The following DLG2 variants were observed in gnomAD, a reference collection of about 807,000 sequenced individuals.
DLG2 encodes the protein discs large MAGUK scaffold protein 2.
In DLG2, 45 loss-of-function variants were observed where a neutral mutation model predicts 132.5. The observed-to-expected ratio is 0.34, with a 90% CI of 0.27 to 0.44. DLG2 has a LOEUF of 0.44. Ranked by LOEUF, DLG2 falls within the 20% of genes least tolerant of loss-of-function variation. The pLI, the probability that DLG2 is intolerant of heterozygous loss-of-function variation, is 1.00. For missense variants in DLG2, 1,045 were observed against 1,196.9 expected (o/e 0.87, Z 1.87); for synonymous variants, 424 against 419.6 (o/e 1.01, Z -0.13).
At position 85,553,620 on chromosome 11, in the gene DLG2, A is replaced by G. The variant is rs1242281525; in HGVS notation, c.40+45037T>C. On this transcript the variant is annotated intron_variant, in intron 3 of 27. Coordinates refer to ENST00000376104, the MANE Select transcript of DLG2 (RefSeq NM_001142699.3). The stretch of plus-strand genomic sequence containing the variant: ...TTAAATGATGTGTGGAGGAAACTAC[A>G]TACAAAGGAGTGGAATATAAAATGA... 3.3e-5 allele frequency among the ~76,000 whole-genome samples: 5 copies of G among 151,802 alleles called. No individual in the cohort carries two copies. The South Asian group carries it at 1.0e-3, about 32-fold the overall frequency.
chr11:84,428,360 T>C (rs1427397216), intron 7 of DLG2, among the ~76,000 whole-genome samples: 1 of 152,212 alleles, frequency 6.6e-6, no homozygotes, highest in Admixed American at 6.5e-5. Flanking sequence ...CATCATCATA[T>C]ATATCTACAA....
chr11:83,599,425 G>C (rs1260470127), intron 19 of DLG2, among the ~76,000 whole-genome samples: 3 of 151,796 alleles, frequency 2.0e-5, no homozygotes, highest in Non-Finnish European at 4.4e-5. Context: ...ACGTCTGATT[G>C]GACAACTATC....
At chr11:85,615,871 G>A (rs79325161) in intron 2 of DLG2, among the ~76,000 whole-genome samples, 7,012 of 151,918 alleles carry the variant, frequency 0.046, 526 homozygotes, top group African/African-American at 0.16. Flanking sequence ...ACCACTGATG[G>A]AAGGGGACTC....
At chr11:83,549,049 T>C (rs538403858) in intron 19 of DLG2, among the ~76,000 whole-genome samples, 1 of 152,236 alleles carries the variant, frequency 6.6e-6, no homozygotes, top group South Asian at 2.1e-4. Context: ...TTTGCTTTCC[T>C]GACAACATTA....
chr11:83,834,635 G>A (rs1017513051), intron 16 of DLG2, among the ~76,000 whole-genome samples: 1 of 152,110 alleles, frequency 6.6e-6, no homozygotes, highest in African/African-American at 2.4e-5. Context: ...TGAAGCAGCT[G>A]GAGACAAAGA....
chr11:84,580,257 G>A (rs1049149605), intron 6 of DLG2, among the ~76,000 whole-genome samples: 1 of 152,174 alleles, frequency 6.6e-6, no homozygotes, highest in Non-Finnish European at 1.5e-5. Context: ...TAATGATTAA[G>A]ATATGGAGAA....
intron 16 of DLG2, among the ~76,000 whole-genome samples, chr11:83,843,908 T>A (rs568291893): frequency 1.5e-3 from 233 of 152,148 alleles, no homozygotes; most frequent in Non-Finnish European, 2.9e-3. Context: ...AAATTCTGAA[T>A]AAAATAGTTA....
chr11:84,849,663 G>C (rs1269874883), intron 6 of DLG2, among the ~76,000 whole-genome samples: 1 of 151,998 alleles, frequency 6.6e-6, no homozygotes, highest in Non-Finnish European at 1.5e-5. Context: ...CACTTCCTCA[G>C]ACAGGTCTTT....
intron 3 of DLG2, among the ~76,000 whole-genome samples, chr11:85,464,882 G>C (rs2092729502): frequency 6.6e-6 from 1 of 151,296 alleles, no homozygotes; most frequent in Non-Finnish European, 1.5e-5. Context: ...AGACCAGCCT[G>C]GCCAACATGG....
At chr11:83,775,936 C>A (rs1196911883) in intron 18 of DLG2, among the ~76,000 whole-genome samples, 1 of 151,788 alleles carries the variant, frequency 6.6e-6, no homozygotes, top group East Asian at 1.9e-4. Context: ...ACTAAAAATA[C>A]AAAAAATTAG....
chr11:85,333,800 A>G (rs2081943185), intron 3 of DLG2, among the ~76,000 whole-genome samples: 2 of 152,014 alleles, frequency 1.3e-5, no homozygotes, highest in Admixed American at 1.3e-4. Flanking sequence ...GGTGGATTTG[A>G]ATTTTGATGT....
chr11:83,911,453 A>G (rs918936346), intron 15 of DLG2, among the ~76,000 whole-genome samples: 2 of 152,080 alleles, frequency 1.3e-5, no homozygotes, highest in Admixed American at 6.6e-5. Flanking sequence ...GAGTGTTTCT[A>G]TGAACTAAGG....
chr11:85,117,749 T>C (rs1305558560), intron 5 of DLG2, among the ~76,000 whole-genome samples: 2 of 151,608 alleles, frequency 1.3e-5, no homozygotes, highest in African/African-American at 4.8e-5. Flanking sequence ...AAAAAGAGAA[T>C]CTTTCATCTG....
chr11:84,033,270 C>T (rs183113388), intron 11 of DLG2, among the ~76,000 whole-genome samples: 208 of 152,210 alleles, frequency 1.4e-3, no homozygotes, highest in Non-Finnish European at 2.6e-3. Context: ...TCATGGGAGG[C>T]GGTCAAAGTC....
At chr11:84,439,232 G>A (rs2099010236) in intron 7 of DLG2, among the ~76,000 whole-genome samples, 1 of 152,162 alleles carries the variant, frequency 6.6e-6, no homozygotes, top group African/African-American at 2.4e-5. Flanking sequence ...CTCTGGGTTC[G>A]ATGTGCCTCA....
At chr11:85,605,614 G>A (rs2080473697) in intron 2 of DLG2, among the ~76,000 whole-genome samples, 1 of 152,142 alleles carries the variant, frequency 6.6e-6, no homozygotes, top group Non-Finnish European at 1.5e-5. Context: ...CCCTCACAGA[G>A]ATTTTAGTCT....
At chr11:83,962,826 A>C in intron 14 of DLG2, 59 bp downstream of exon 14, 1 of 1,592,032 alleles carries the variant, frequency 6.3e-7, no homozygotes, top group Non-Finnish European at 8.6e-7. Flanking sequence ...CATGTTAGGC[A>C]AATGTGATTT....
At chr11:85,316,776 T>G (rs562139500) in intron 3 of DLG2, among the ~76,000 whole-genome samples, 1 of 151,804 alleles carries the variant, frequency 6.6e-6, no homozygotes, top group Admixed American at 6.6e-5. Flanking sequence ...TACAACTGGG[T>G]TTTATTATTT....
intron 18 of DLG2, among the ~76,000 whole-genome samples, chr11:83,771,506 A>G (rs2094390582): frequency 6.6e-6 from 1 of 152,226 alleles, no homozygotes; most frequent in African/African-American, 2.4e-5. Context: ...AGCCTAATAG[A>G]CAACTAGGCT....
Sources: gnomAD v4.1 joint callset for allele counts (sites outside exome capture counted in the v4.1 genomes callset) on GRCh38, gnomAD v4.1.1 for gene constraint, MANE v1.5 for transcripts, NCBI Gene and HGNC (gene_info 2026-07-23, HGNC 2026-07-21) for gene names.